Variants in MFN1 observed in about 807,000 individuals in gnomAD.
MFN1 encodes mitofusin-1.
Under a neutral mutation model 92.4 loss-of-function variants are expected in MFN1, and 65 were observed. The ratio of observed to expected loss-of-function variants is 0.70; its 90% CI spans 0.58 to 0.86. The LOEUF (loss-of-function observed/expected upper bound fraction) is 0.86. MFN1 is among the 40% of genes least tolerant of loss of function. The pLI is 0.00. For missense variants in MFN1, 781 were observed against 868.0 expected, an observed-to-expected ratio of 0.90 and a Z score of 1.26; for synonymous variants, 297 against 300.9, an observed-to-expected ratio of 0.99 and a Z score of 0.13.
intron 2 of MFN1, 54 bp from the exon 3 acceptor site, chr3:179,351,846 A>G: frequency 6.6e-7 from 1 of 1,524,408 alleles, no homozygotes; most frequent in Non-Finnish European, 9.0e-7. Context: ...TCCATTATAT[A>G]ACTAACTTAA....
chr3:179,385,094 T>C (rs552340851), intron 14 of MFN1, among the ~76,000 whole-genome samples: 26 of 151,464 alleles, frequency 1.7e-4, no homozygotes, highest in African/African-American at 5.8e-4. Flanking sequence ...TATGTATTTT[T>C]ATTAGAGACA....
intron 8 of MFN1, 80 bp from the exon 9 acceptor site, chr3:179,367,953 TTTA>T: frequency 1.5e-6 from 1 of 654,644 alleles, no homozygotes; most frequent in Non-Finnish European, 2.1e-6. Flanking sequence ...TATATATATA[TTTA>T]AAATTATAAA....
intron 7 of MFN1, among the ~76,000 whole-genome samples, chr3:179,366,760 G>A (rs1336423868): frequency 6.6e-6 from 1 of 151,858 alleles, no homozygotes; most frequent in Non-Finnish European, 1.5e-5. Context: ...ATTTATTTTT[G>A]CAAGTCTTAA....
intron 12 of MFN1, among the ~76,000 whole-genome samples, chr3:179,378,024 C>T (rs184024248): frequency 1.3e-5 from 2 of 152,158 alleles, no homozygotes; most frequent in East Asian, 3.9e-4. Context: ...CACACCACTG[C>T]ACTCCAACCT....
chr3:179,352,496 A>G (rs942028299), intron 3 of MFN1, among the ~76,000 whole-genome samples: 10 of 152,360 alleles, frequency 6.6e-5, no homozygotes, highest in Admixed American at 2.0e-4. Flanking sequence ...AGACTTATCA[A>G]TAAACATACT....
At chr3:179,353,123 G>A (rs1167043128) in intron 3 of MFN1, among the ~76,000 whole-genome samples, 8 of 144,664 alleles carry the variant, frequency 5.5e-5, no homozygotes, top group Non-Finnish European at 9.0e-5. Flanking sequence ...GCACCATCTC[G>A]GCTCACTGCA....
intron 7 of MFN1, among the ~76,000 whole-genome samples, chr3:179,366,159 C>A (rs182834612): frequency 1.3e-5 from 2 of 152,270 alleles, no homozygotes; most frequent in Admixed American, 6.5e-5. Flanking sequence ...GTTACACATG[C>A]TCTGACACAG....
At chr3:179,383,633 A>G (rs1713558388) in intron 14 of MFN1, among the ~76,000 whole-genome samples, 1 of 152,052 alleles carries the variant, frequency 6.6e-6, no homozygotes, top group Non-Finnish European at 1.5e-5. Context: ...CTTGATGGGG[A>G]TGGCATTGAA....
chr3:179,361,950 C>T (rs1712596991), intron 4 of MFN1, among the ~76,000 whole-genome samples: 3 of 152,170 alleles, frequency 2.0e-5, no homozygotes, highest in African/African-American at 7.2e-5. Context: ...GACTTGATTT[C>T]ATTCCTTTCT....
chr3:179,380,961 C>A (rs2108552244), intron 14 of MFN1, among the ~76,000 whole-genome samples: 1 of 152,294 alleles, frequency 6.6e-6, no homozygotes, highest in African/African-American at 2.4e-5. Flanking sequence ...AAAATAATAT[C>A]TTCAGAGTCC....
intron 16 of MFN1, 107 bp from the exon 17 acceptor site, chr3:179,389,897 G>A: frequency 9.8e-7 from 1 of 1,019,786 alleles, no homozygotes; most frequent in East Asian, 2.5e-5. Context: ...ATTCCCTATA[G>A]TTTAGAAGTT....
intron 9 of MFN1, among the ~76,000 whole-genome samples, chr3:179,371,106 G>C: frequency 6.6e-6 from 1 of 152,050 alleles, no homozygotes; most frequent in East Asian, 1.9e-4. Flanking sequence ...CCTGTGCCGT[G>C]AACTTCTTTA....
chr3:179,358,472 G>C (rs1362460694), intron 3 of MFN1, among the ~76,000 whole-genome samples: 1 of 152,126 alleles, frequency 6.6e-6, no homozygotes, highest in African/African-American at 2.4e-5. Flanking sequence ...CACTTCTGAT[G>C]TGCATTATTT....
chr3:179,385,439 T>G, intron 14 of MFN1, 130 bp from the exon 15 acceptor site: 1 of 655,568 alleles, frequency 1.5e-6, no homozygotes, highest in Non-Finnish European at 2.5e-6. Context: ...TCTACATATA[T>G]TTGTGGTGTA....
At chr3:179,367,102 G>C (rs1035087584) in intron 7 of MFN1, among the ~76,000 whole-genome samples, 1 of 152,056 alleles carries the variant, frequency 6.6e-6, no homozygotes, top group South Asian at 2.1e-4. Flanking sequence ...TAATTTTTGT[G>C]TTTTTAATAA....
intron 16 of MFN1, among the ~76,000 whole-genome samples, chr3:179,387,281 C>T (rs903409374): frequency 3.9e-5 from 6 of 152,120 alleles, no homozygotes; most frequent in Non-Finnish European, 8.8e-5. Flanking sequence ...CAAGGTGGCT[C>T]ACGCCTATAA....
At position 179,375,253 on chromosome 3, in the gene MFN1, T is replaced by C. The variant is rs372512172; in HGVS notation, c.1009T>C (p.Phe337Leu). 2 of 1,613,626 alleles carry C rather than the reference T, an allele frequency of 1.2e-6. No homozygotes were observed. The highest frequency in any genetic ancestry group is 2.7e-5 in the African/African-American group (2 of 74,904). Residue 337 changes from phenylalanine (F) to leucine (L), a missense_variant, in exon 10 of 18, where the codon TTC becomes CTC. Transcript: ENST00000471841. ...CTCGCAGTCAGCAGTGAAAACAAAG[T>C]TCGAACAGCACACTATCAGAGCTAA... ...CISQSAVKTK[F>L]EQHTIRAKQI...
intron 3 of MFN1, among the ~76,000 whole-genome samples, chr3:179,352,298 T>C (rs2108523310): frequency 6.6e-6 from 1 of 152,334 alleles, no homozygotes; most frequent in South Asian, 2.1e-4. Context: ...AGAATGGAAA[T>C]ATAGATAAAT....
chr3:179,363,244 C>G (rs548227998), intron 5 of MFN1, among the ~76,000 whole-genome samples: 40 of 152,258 alleles, frequency 2.6e-4, no homozygotes, highest in African/African-American at 9.1e-4. Context: ...GCCACCACGC[C>G]TGGCTAATCT....
Sources: allele counts gnomAD v4.1 joint callset (sites outside exome capture counted in the v4.1 genomes callset), GRCh38; gene constraint gnomAD v4.1.1; transcripts MANE v1.5; gene names NCBI Gene and HGNC (gene_info 2026-07-23, HGNC 2026-07-21).